The following KIF13B variants were observed in gnomAD, a reference collection of about 807,000 sequenced individuals.
KIF13B encodes the protein kinesin-like protein KIF13B.
A neutral mutation model predicts 222.0 loss-of-function variants in KIF13B; 127 were observed. The observed-to-expected ratio is 0.57, with a 90% CI of 0.50 to 0.66. The LOEUF (loss-of-function observed/expected upper bound fraction) is 0.66. Ranked by LOEUF, KIF13B falls within the 30% of genes least tolerant of loss-of-function variation. The pLI is 0.00. For synonymous variants in KIF13B, 976 were observed against 919.0 expected (o/e 1.06, Z -1.12); for missense variants, 2,173 against 2,379.0 (o/e 0.91, Z 1.80).
At chr8:29,143,580 G>A (rs1810915650) in intron 18 of KIF13B, among the ~76,000 whole-genome samples, 1 of 152,240 alleles carries the variant, frequency 6.6e-6, no homozygotes, top group Non-Finnish European at 1.5e-5. Context: ...AGGTGTGGTG[G>A]CTCACGCCTG....
At position 29,252,387 on chromosome 8, in the gene KIF13B, A is replaced by G. The variant is rs553484829; in HGVS notation, c.56-6948T>C. On this transcript the variant is annotated intron_variant, in intron 1 of 39. Transcript: ENST00000524189. ...CCATCTGGGGAAATGCATCATTCTCAGTTTGAACAAAATAATCTGCTTTTC... is the reference window on the plus strand; with the variant it reads ...CCATCTGGGGAAATGCATCATTCTCGGTTTGAACAAAATAATCTGCTTTTC... Among the ~76,000 whole-genome samples the G allele has an allele frequency of 2.6e-5, 4 of 152,360 alleles. No individual in the cohort carries two copies. In the South Asian group the frequency reaches 8.3e-4, roughly 32 times the overall value.
Position 29,099,222 on chromosome 8 carries a change from T to C in KIF13B, c.4235A>G (p.Gln1412Arg), listed in dbSNP as rs1295475018. 6.2e-7 allele frequency: 1 copy of C among 1,612,460 alleles called. No individual in the cohort carries two copies. Among genetic ancestry groups the C allele is most frequent in the Middle Eastern group, 1.7e-4 (1 of 6,056 alleles). The change falls in exon 36 of 40, where the codon CAG becomes CGG. Residue 1412 changes from glutamine to arginine, a missense_variant. Coordinates refer to ENST00000524189, the MANE Select transcript of KIF13B (RefSeq NM_015254.4). ...GGAAACTGTGGTTTGGGATACATCC[T>C]GCTGACTTTCCCACCGGCCCTAGTA... ...GSNKGRWESQ[Q>R]DVSQTTVSRG... is the part of the protein sequence containing the mutation.
chr8:29,166,906 A>C (rs368513576), intron 11 of KIF13B, among the ~76,000 whole-genome samples: 122 of 152,332 alleles, frequency 8.0e-4, no homozygotes, highest in African/African-American at 2.7e-3. Context: ...AATATTTTCT[A>C]CAAACGTAAT....
chr8:29,251,694 T>C (rs1407217532), intron 1 of KIF13B, among the ~76,000 whole-genome samples: 1 of 152,156 alleles, frequency 6.6e-6, no homozygotes, highest in Non-Finnish European at 1.5e-5. Flanking sequence ...TAGATGGTGG[T>C]GATGGTGATA....
chr8:29,139,537 C>G (rs1343080550), intron 21 of KIF13B, among the ~76,000 whole-genome samples: 4 of 152,182 alleles, frequency 2.6e-5, no homozygotes, highest in African/African-American at 9.7e-5. Flanking sequence ...CGAAGTCTTA[C>G]AGAAAGCAGC....
chr8:29,163,846 G>A (rs557013026), intron 12 of KIF13B, among the ~76,000 whole-genome samples: 1 of 152,280 alleles, frequency 6.6e-6, no homozygotes, highest in African/African-American at 2.4e-5. Flanking sequence ...TCAGCACAAT[G>A]ACTCATGACA....
At chr8:29,139,230 T>C (rs147738581) in intron 21 of KIF13B, among the ~76,000 whole-genome samples, 1,557 of 152,326 alleles carry the variant, frequency 0.01, 15 homozygotes, top group African/African-American at 0.022. Flanking sequence ...TGACTTAGAA[T>C]GTACTACTTT....
At chr8:29,166,911 C>T (rs1812026721) in intron 11 of KIF13B, among the ~76,000 whole-genome samples, 1 of 152,100 alleles carries the variant, frequency 6.6e-6, no homozygotes. Flanking sequence ...TTTCTACAAA[C>T]GTAATTAATC....
chr8:29,082,734 T>C (rs762782557), intron 37 of KIF13B, among the ~76,000 whole-genome samples: 2 of 152,200 alleles, frequency 1.3e-5, no homozygotes, highest in South Asian at 2.1e-4. Flanking sequence ...TTTTAAAAGA[T>C]AGAATGCTCA....
At chr8:29,137,102 G>T (rs890048211) in intron 21 of KIF13B, among the ~76,000 whole-genome samples, 1 of 152,132 alleles carries the variant, frequency 6.6e-6, no homozygotes, top group Admixed American at 6.5e-5. Flanking sequence ...GCCCGGCCCT[G>T]TGACAGGTAT....
At chr8:29,222,886 G>A (rs1384470001) in intron 2 of KIF13B, among the ~76,000 whole-genome samples, 1 of 152,006 alleles carries the variant, frequency 6.6e-6, no homozygotes, top group Non-Finnish European at 1.5e-5. Flanking sequence ...TATGTGACAT[G>A]ATGTGTTTTC....
chr8:29,171,342 C>A (rs564920461), intron 10 of KIF13B, among the ~76,000 whole-genome samples: 1 of 152,274 alleles, frequency 6.6e-6, no homozygotes, highest in South Asian at 2.1e-4. Context: ...TGGACCAAAT[C>A]ACCAAGAAAA....
At chr8:29,166,704 C>CAAAAAAA (rs67653605) in intron 11 of KIF13B, among the ~76,000 whole-genome samples, 1 of 128,158 alleles carries the variant, frequency 7.8e-6, no homozygotes. Context: ...AACTCCACCT[C>CAAAAAAA]AAAAAAAAAA....
At chr8:29,229,088 TAAAAAAAAAA>T (rs370080449) in intron 2 of KIF13B, among the ~76,000 whole-genome samples, 1 of 94,692 alleles carries the variant, frequency 1.1e-5, no homozygotes, top group Admixed American at 1.4e-4. Context: ...ATGTCAGCTT[TAAAAAAAAAA>T]AAAAAAAAAA....
intron 1 of KIF13B, among the ~76,000 whole-genome samples, chr8:29,254,854 C>T (rs1239126964): frequency 6.6e-6 from 1 of 152,178 alleles, no homozygotes; most frequent in Non-Finnish European, 1.5e-5. Context: ...TTCAAAGGAG[C>T]ATCATTCATA....
At chr8:29,102,058 T>A (rs1473263854) in intron 35 of KIF13B, among the ~76,000 whole-genome samples, 1 of 149,214 alleles carries the variant, frequency 6.7e-6, no homozygotes, top group Non-Finnish European at 1.5e-5. Flanking sequence ...CCTAGAGTTA[T>A]CCTCCCTTTA....
chr8:29,095,970 TTTTTG>T (rs1391907722), intron 36 of KIF13B, among the ~76,000 whole-genome samples: 1 of 147,746 alleles, frequency 6.8e-6, no homozygotes, highest in Non-Finnish European at 1.5e-5. Context: ...GTAGTGTTTT[TTTTTG>T]TTTGTTTTTT....
chr8:29,187,087 C>T (rs1812968979), intron 5 of KIF13B, among the ~76,000 whole-genome samples: 1 of 151,926 alleles, frequency 6.6e-6, no homozygotes, highest in Non-Finnish European at 1.5e-5. Context: ...GCTGAAAGAG[C>T]CATATAATTA....
At chr8:29,117,508 T>C (rs1809657763) in intron 30 of KIF13B, among the ~76,000 whole-genome samples, 1 of 152,210 alleles carries the variant, frequency 6.6e-6, no homozygotes, top group Non-Finnish European at 1.5e-5. Flanking sequence ...ACACTGCCTT[T>C]AGTTGTCACG....
Sources: gnomAD v4.1 joint callset for allele counts (sites outside exome capture counted in the v4.1 genomes callset) on GRCh38, gnomAD v4.1.1 for gene constraint, MANE v1.5 for transcripts, NCBI Gene and HGNC (gene_info 2026-07-23, HGNC 2026-07-21) for gene names.